The following CYP4X1 variants were observed in gnomAD, a reference collection of about 807,000 sequenced individuals.
The protein encoded by CYP4X1 is cytochrome P450 family 4 subfamily X member 1, also known as cytochrome P450 4X1.
In CYP4X1, 44 loss-of-function variants were observed where a neutral mutation model predicts 57.9. The ratio of observed to expected loss-of-function variants is 0.76; its 90% CI spans 0.60 to 0.98. The LOEUF (loss-of-function observed/expected upper bound fraction) is 0.98. CYP4X1 is among the 50% of genes least tolerant of loss of function. The pLI is 0.00. For missense variants in CYP4X1, 532 were observed against 623.9 expected (o/e 0.85, Z 1.57); for synonymous variants, 227 against 228.6 (o/e 0.99, Z 0.06).
intron 3 of CYP4X1, 118 bp downstream of exon 3, chr1:47,031,598 C>A: frequency 1.9e-6 from 2 of 1,077,734 alleles, no homozygotes; most frequent in Non-Finnish European, 2.7e-6. Context: ...CAAGGTAGAG[C>A]TATACTGAAC....
the CYP4X1 span, among the ~76,000 whole-genome samples, chr1:46,964,551 A>G: frequency 6.6e-6 from 1 of 152,180 alleles, no homozygotes; most frequent in Non-Finnish European, 1.5e-5. Flanking sequence ...GCTGCAGAAC[A>G]GTGAATATTG....
At chr1:47,012,080 A>C in the CYP4X1 span, among the ~76,000 whole-genome samples, 6 of 152,234 alleles carry the variant, frequency 3.9e-5, no homozygotes, top group Admixed American at 3.3e-4. Context: ...AAGGATTATA[A>C]ATCACGCTGC....
At chr1:46,965,243 G>C in the CYP4X1 span, among the ~76,000 whole-genome samples, 1 of 152,152 alleles carries the variant, frequency 6.6e-6, no homozygotes, top group Non-Finnish European at 1.5e-5. Flanking sequence ...TGCACCCACT[G>C]TGCTGCACCT....
the CYP4X1 span, chr1:47,003,058 C>G: frequency 6.6e-6 from 1 of 152,142 alleles, no homozygotes; most frequent in Non-Finnish European, 1.5e-5. Flanking sequence ...TTGCGCCCCC[C>G]ACAGCAAGTG....
At chr1:46,987,891 A>G in the CYP4X1 span, among the ~76,000 whole-genome samples, 1 of 152,250 alleles carries the variant, frequency 6.6e-6, no homozygotes, top group East Asian at 1.9e-4. Context: ...AGCAATGTTC[A>G]GAGGGAAATT....
At chr1:47,055,252 C>A (rs1185803812), downstream of CYP4X1, among the ~76,000 whole-genome samples, 1 of 152,216 alleles carries the variant, frequency 6.6e-6, no homozygotes, top group Non-Finnish European at 1.5e-5. Flanking sequence ...ACCAGCCTTT[C>A]ATCCCAGTGA....
intron 1 of CYP4X1, among the ~76,000 whole-genome samples, chr1:47,027,401 C>A (rs180849409): frequency 1.3e-5 from 2 of 152,156 alleles, no homozygotes; most frequent in East Asian, 3.9e-4. Context: ...TTATGGAGTA[C>A]CTGTGATATT....
intron 1 of CYP4X1, 53 bp from the exon 2 acceptor site, chr1:47,029,935 AAG>A: frequency 6.3e-7 from 1 of 1,590,708 alleles, no homozygotes; most frequent in Non-Finnish European, 8.6e-7. Context: ...TTGTGTCTAT[AAG>A]AGGGGACAGG....
chr1:47,016,979 T>A, the CYP4X1 span, among the ~76,000 whole-genome samples: 2 of 152,064 alleles, frequency 1.3e-5, no homozygotes, highest in African/African-American at 4.8e-5. Context: ...CTGATTTATT[T>A]CACTTAACAT....
the CYP4X1 span, among the ~76,000 whole-genome samples, chr1:46,982,575 C>T: frequency 6.6e-6 from 1 of 152,242 alleles, no homozygotes; most frequent in Non-Finnish European, 1.5e-5. Flanking sequence ...AGGCTTTGGG[C>T]AGGCTTTTTA....
the CYP4X1 span, among the ~76,000 whole-genome samples, chr1:47,000,744 G>A: frequency 6.6e-6 from 1 of 152,050 alleles, no homozygotes; most frequent in Non-Finnish European, 1.5e-5. Flanking sequence ...AGGGAGCCTG[G>A]AGAAAGGTGA....
chr1:47,050,476 C>A lies in CYP4X1; in HGVS notation c.*302C>A. 1 of 209,462 alleles carries A rather than the reference C, an allele frequency of 4.8e-6. No homozygotes were observed. The highest frequency in any genetic ancestry group is 5.4e-5 in the Admixed American group (1 of 18,616). The allele number at this position is 209,462 out of a possible 1,614,324, so 13.0% of individuals were successfully genotyped here. ...TTTTAAAATAGTTTTCAGAATTATG[C>A]AAGTAATAAGTGCATGTATGCTCAC... is the stretch of plus-strand genomic sequence containing the variant. On this transcript the variant is annotated 3_prime_UTR_variant, in exon 12 of 12. Coordinates refer to ENST00000371901, the MANE Select transcript of CYP4X1 (RefSeq NM_178033.2).
chr1:47,033,476 A>G (rs1187957828), intron 4 of CYP4X1, 108 bp downstream of exon 4: 1 of 1,432,852 alleles, frequency 7.0e-7, no homozygotes. Context: ...GTTTCTAAAA[A>G]TTTAACCAAT....
intron 1 of CYP4X1, among the ~76,000 whole-genome samples, 162 bp downstream of exon 1, chr1:47,024,156 C>T (rs879680156): frequency 7.2e-5 from 11 of 152,170 alleles, no homozygotes; most frequent in African/African-American, 2.7e-4. Context: ...ATCATTTTTC[C>T]TTGCTCTGGA....
At chr1:47,025,187 C>T (rs1282564560) in intron 1 of CYP4X1, among the ~76,000 whole-genome samples, 1 of 152,046 alleles carries the variant, frequency 6.6e-6, no homozygotes, top group East Asian at 1.9e-4. Context: ...CCTCTTCAAC[C>T]CCCAGAACTG....
chr1:47,048,445 C>A, intron 9 of CYP4X1, 120 bp from the exon 10 acceptor site: 1 of 1,040,952 alleles, frequency 9.6e-7, no homozygotes, highest in Non-Finnish European at 1.5e-6. Flanking sequence ...TCAGCTACAG[C>A]AGGCAGAGCA....
the CYP4X1 span, chr1:46,961,685 T>C: frequency 7.0e-6 from 9 of 1,292,540 alleles, no homozygotes; most frequent in Non-Finnish European, 9.1e-6. Context: ...TAGTCTCTAT[T>C]TGACCCAACC....
chr1:47,030,278 T>C, intron 2 of CYP4X1, 147 bp downstream of exon 2: 1 of 977,116 alleles, frequency 1.0e-6, no homozygotes, highest in Non-Finnish European at 1.5e-6. Context: ...TTCCTACCAA[T>C]ACTGAAGGGG....
rs370219478 is a variant in CYP4X1 at position 47,036,160 on chromosome 1, A to G, written c.764A>G (p.Asn255Ser). 1 of 1,612,896 alleles carries G rather than the reference A, an allele frequency of 6.2e-7. No homozygotes were observed. Among genetic ancestry groups the G allele is most frequent in the Non-Finnish European group, 8.5e-7 (1 of 1,179,458 alleles). ...YRFQKLSRVL[N>S]QYTDTIIQER... ...TTCCAGAAGTTAAGCCGAGTGTTGA[A>G]TCAGTACACAGGTATTTGTTGGGTT... Residue 255 changes from asparagine (N) to serine (S), a missense_variant, in exon 6 of 12, where the codon AAT becomes AGT. Asn to Ser is a conservative substitution (Grantham distance 46). Coordinates refer to ENST00000371901, the MANE Select transcript of CYP4X1 (RefSeq NM_178033.2).
Sources: gnomAD v4.1 joint callset for allele counts (sites outside exome capture counted in the v4.1 genomes callset) on GRCh38, gnomAD v4.1.1 for gene constraint, MANE v1.5 for transcripts, NCBI Gene and HGNC (gene_info 2026-07-23, HGNC 2026-07-21) for gene names.